The following SUGCT variants were observed in gnomAD, a reference collection of about 807,000 sequenced individuals.
SUGCT encodes succinyl-CoA:glutarate-CoA transferase.
A neutral mutation model predicts 55.0 loss-of-function variants in SUGCT; 41 were observed. The ratio of observed to expected loss-of-function variants is 0.74; its 90% CI spans 0.58 to 0.97. The LOEUF (loss-of-function observed/expected upper bound fraction) is 0.97. Among genes scored for constraint, SUGCT ranks in the 50% least tolerant of loss-of-function variants. SUGCT has a pLI of 0.00. For missense variants in SUGCT, 568 were observed against 547.8 expected, an observed-to-expected ratio of 1.04 and a Z score of -0.37; for synonymous variants, 187 against 200.4, an observed-to-expected ratio of 0.93 and a Z score of 0.56.
chr7:40,541,073 T>G (rs369571086), intron 12 of SUGCT, among the ~76,000 whole-genome samples: 1 of 152,194 alleles, frequency 6.6e-6, no homozygotes, highest in Admixed American at 6.5e-5. Context: ...ATTGATAATT[T>G]GGCAGTGGGT....
intron 13 of SUGCT, among the ~76,000 whole-genome samples, chr7:40,807,785 T>C (rs1791183888): frequency 6.6e-6 from 1 of 152,144 alleles, no homozygotes; most frequent in Non-Finnish European, 1.5e-5. Flanking sequence ...GGTCCCACAA[T>C]AGGTCATCTG....
chr7:41,021,120 G>A, the SUGCT span, among the ~76,000 whole-genome samples: 136,008 of 152,208 alleles, frequency 0.89, 60,915 homozygotes, highest in African/African-American at 0.96. Flanking sequence ...ACTATCCCAA[G>A]TGTAGGGAAG....
intron 13 of SUGCT, among the ~76,000 whole-genome samples, chr7:40,754,632 G>T (rs1788170005): frequency 6.6e-6 from 1 of 152,162 alleles, no homozygotes; most frequent in African/African-American, 2.4e-5. Context: ...GGCTCTGGGT[G>T]CACATACCAG....
the SUGCT span, among the ~76,000 whole-genome samples, chr7:41,025,392 C>T: frequency 2.2e-4 from 33 of 149,348 alleles, 1 homozygote; most frequent in South Asian, 4.2e-4. Context: ...TTTTTTGAGA[C>T]GTAGTTTCGC....
chr7:40,997,295 C>T, the SUGCT span, among the ~76,000 whole-genome samples: 2 of 152,182 alleles, frequency 1.3e-5, no homozygotes, highest in African/African-American at 4.8e-5. Context: ...CACCCACTGC[C>T]ACTGCACTGA....
chr7:40,470,763 C>CTT (rs1444865310), intron 11 of SUGCT, among the ~76,000 whole-genome samples: 135 of 152,110 alleles, frequency 8.9e-4, no homozygotes, highest in Non-Finnish European at 1.4e-3. Flanking sequence ...CTCTCTCTCT[C>CTT]TCTCTCTCTC....
At chr7:40,290,125 T>G (rs1428903782) in intron 8 of SUGCT, among the ~76,000 whole-genome samples, 2 of 151,626 alleles carry the variant, frequency 1.3e-5, no homozygotes, top group Admixed American at 6.6e-5. Context: ...AAGCTACCAA[T>G]GACTTTCTTC....
chr7:41,037,805 A>G, the SUGCT span, among the ~76,000 whole-genome samples: 1 of 151,936 alleles, frequency 6.6e-6, no homozygotes, highest in Non-Finnish European at 1.5e-5. Context: ...AAAAGCTGAA[A>G]ATATGGAAAC....
intron 12 of SUGCT, chr7:40,683,964 G>A (rs987302695): frequency 4.5e-5 from 70 of 1,546,264 alleles, no homozygotes; most frequent in Non-Finnish European, 6.1e-5. Context: ...TGGGGGAAAA[G>A]CCATTTCCTT....
chr7:40,565,771 A>T (rs996668391), intron 12 of SUGCT, among the ~76,000 whole-genome samples: 1 of 152,134 alleles, frequency 6.6e-6, no homozygotes, highest in Non-Finnish European at 1.5e-5. Flanking sequence ...TCTCTAGCAC[A>T]CTAAGCAAGC....
At chr7:40,955,968 G>A in the SUGCT span, among the ~76,000 whole-genome samples, 2 of 152,174 alleles carry the variant, frequency 1.3e-5, no homozygotes, top group Admixed American at 1.3e-4. Flanking sequence ...TTGTATCACA[G>A]GGATGAAGCC....
chr7:40,432,105 A>G (rs1787924273), intron 9 of SUGCT, among the ~76,000 whole-genome samples: 1 of 151,986 alleles, frequency 6.6e-6, no homozygotes, highest in Admixed American at 6.6e-5. Flanking sequence ...TTTGTTTTGG[A>G]TCTTAGTGTA....
At position 40,145,799 on chromosome 7, in the gene SUGCT, G is replaced by A. The variant is rs183143125; in HGVS notation, c.100+10679G>A. ...TTGGCTGAGTACAAACAGCTGGCAC[G>A]TTTGAGCAGCCCAATTATTAGGCAA... is the stretch of plus-strand genomic sequence containing the variant. On this transcript the variant is annotated intron_variant, in intron 1 of 13. Transcript: ENST00000335693. Among the ~76,000 whole-genome samples, 17 of 152,290 alleles carry A rather than the reference G, an allele frequency of 1.1e-4. No individual in the cohort carries two copies. In the East Asian group the frequency reaches 1.5e-3, roughly 14 times the overall value.
chr7:40,813,004 A>G (rs1406439187), intron 13 of SUGCT, among the ~76,000 whole-genome samples: 1 of 151,762 alleles, frequency 6.6e-6, no homozygotes, highest in Non-Finnish European at 1.5e-5. Flanking sequence ...AAGTTCTTTC[A>G]TTTGCCCTTG....
intron 7 of SUGCT, among the ~76,000 whole-genome samples, chr7:40,273,114 T>C (rs1444371060): frequency 6.6e-6 from 1 of 152,182 alleles, no homozygotes; most frequent in African/African-American, 2.4e-5. Context: ...TAATTTTAAG[T>C]GTATTGATTT....
intron 12 of SUGCT, among the ~76,000 whole-genome samples, chr7:40,723,885 C>T (rs191794160): frequency 1.4e-3 from 210 of 152,282 alleles, no homozygotes; most frequent in Non-Finnish European, 2.4e-3. Flanking sequence ...GTTCCTACCA[C>T]CTAGCAGGCC....
chr7:40,504,676 C>T (rs934992157), intron 12 of SUGCT, among the ~76,000 whole-genome samples: 12 of 152,238 alleles, frequency 7.9e-5, no homozygotes, highest in South Asian at 2.1e-4. Flanking sequence ...TCAAATGATC[C>T]GCACACCTTA....
chr7:40,809,371 T>G (rs1352495057), intron 13 of SUGCT, among the ~76,000 whole-genome samples: 1 of 152,164 alleles, frequency 6.6e-6, no homozygotes, highest in Non-Finnish European at 1.5e-5. Flanking sequence ...TGTGGGCAAA[T>G]CAAAATGGGC....
At chr7:40,650,995 T>C (rs1208501696) in intron 12 of SUGCT, among the ~76,000 whole-genome samples, 1 of 152,166 alleles carries the variant, frequency 6.6e-6, no homozygotes, top group African/African-American at 2.4e-5. Flanking sequence ...CCTGCATTAG[T>C]TTGCTGAGGA....
Sources: gnomAD v4.1 joint callset for allele counts (sites outside exome capture counted in the v4.1 genomes callset) on GRCh38, gnomAD v4.1.1 for gene constraint, MANE v1.5 for transcripts, NCBI Gene and HGNC (gene_info 2026-07-23, HGNC 2026-07-21) for gene names.